STOX2: variants seen among roughly 807,000 people sequenced by gnomAD.
STOX2 encodes the protein storkhead-box protein 2.
A neutral mutation model predicts 60.9 loss-of-function variants in STOX2; 28 were observed. That is an observed-to-expected ratio of 0.46 (90% CI 0.34 to 0.63). The LOEUF is 0.63. Among genes scored for constraint, STOX2 ranks in the 30% least tolerant of loss-of-function variants. The probability of loss-of-function intolerance (pLI) is 0.01; values close to 1 mark genes in which losing one functional copy is unlikely to be tolerated. For synonymous variants in STOX2, 472 were observed against 463.9 expected (o/e 1.02, Z -0.22); for missense variants, 1,024 against 1,187.7 (o/e 0.86, Z 2.03).
chr4:183,879,531 CT>C (rs1740907276), intron 1 of STOX2, among the ~76,000 whole-genome samples: 1 of 152,174 alleles, frequency 6.6e-6, no homozygotes, highest in Non-Finnish European at 1.5e-5. Flanking sequence ...ATCAGGTAGG[CT>C]TGTGTAGCCG....
At chr4:183,869,298 AACTG>A (rs1435539481) in intron 1 of STOX2, among the ~76,000 whole-genome samples, 2 of 152,220 alleles carry the variant, frequency 1.3e-5, no homozygotes, top group African/African-American at 4.8e-5. Flanking sequence ...TGGGCCTAGA[AACTG>A]ACTGTCATTG....
Position 183,807,030 on chromosome 4 carries a change from T to G in STOX2, c.364+8975T>G, listed in dbSNP as rs191228926. 2.3e-3 allele frequency among the ~76,000 whole-genome samples: 346 copies of G among 152,200 alleles called. 1 individual carries two copies. The highest frequency in any genetic ancestry group is 3.6e-3 in the Non-Finnish European group (245 of 68,012). On this transcript the variant is annotated intron_variant, in intron 1 of 2. Transcript: ENST00000513034. ...CTCTGTCGCCCAGGCTGGAGTGCAG[T>G]GGCGCGATCTCGGCTCACTGCAAGC...
intron 1 of STOX2, among the ~76,000 whole-genome samples, chr4:183,829,305 T>C (rs1432791790): frequency 6.6e-6 from 1 of 152,236 alleles, no homozygotes; most frequent in African/African-American, 2.4e-5. Context: ...CAACATTCTT[T>C]AAGACTGGTG....
At chr4:183,891,286 ATATGATGGAATATATATATATATC>A (rs36222308) in intron 1 of STOX2, among the ~76,000 whole-genome samples, 103,631 of 133,236 alleles carry the variant, frequency 0.78, 41,682 homozygotes, top group Middle Eastern at 0.85. Context: ...GTATGTGTGT[ATATGATGGAATATATATATATATC>A]TATGATGGAA....
intron 1 of STOX2, among the ~76,000 whole-genome samples, chr4:183,817,098 T>C (rs1238200056): frequency 6.6e-6 from 1 of 152,264 alleles, no homozygotes; most frequent in Non-Finnish European, 1.5e-5. Flanking sequence ...GGAAAAGGAC[T>C]ACTGTTTTCT....
chr4:183,935,890 G>T (rs2111121925), intron 1 of STOX2, among the ~76,000 whole-genome samples: 1 of 152,290 alleles, frequency 6.6e-6, no homozygotes, highest in East Asian at 1.9e-4. Flanking sequence ...GAAATGTTTA[G>T]TTCCTAAGTT....
intron 1 of STOX2, among the ~76,000 whole-genome samples, chr4:183,974,704 G>A (rs1373107932): frequency 6.6e-6 from 1 of 152,098 alleles, no homozygotes; most frequent in Non-Finnish European, 1.5e-5. Flanking sequence ...AAGTTTCAAA[G>A]TACATGAAAC....
intron 1 of STOX2, among the ~76,000 whole-genome samples, chr4:183,873,380 A>T (rs1404605540): frequency 1.4e-5 from 2 of 144,258 alleles, no homozygotes; most frequent in Admixed American, 1.5e-4. Context: ...TGGGAGGCGG[A>T]GGTTGCGGTG....
chr4:183,889,701 A>T (rs1741162590), intron 1 of STOX2, among the ~76,000 whole-genome samples: 1 of 152,194 alleles, frequency 6.6e-6, no homozygotes, highest in Admixed American at 6.5e-5. Flanking sequence ...GGGGACTTGA[A>T]TGGGGTCTGC....
At chr4:183,959,067 C>T (rs1743339463) in intron 1 of STOX2, among the ~76,000 whole-genome samples, 1 of 152,036 alleles carries the variant, frequency 6.6e-6, no homozygotes, top group Non-Finnish European at 1.5e-5. Context: ...GCTCTCTCAG[C>T]ATGTTTTTGA....
At chr4:183,897,014 A>G (rs532074555) in intron 1 of STOX2, among the ~76,000 whole-genome samples, 21 of 152,316 alleles carry the variant, frequency 1.4e-4, no homozygotes, top group African/African-American at 4.6e-4. Flanking sequence ...TGGGTGGTCC[A>G]GTAGAGAACT....
At chr4:183,861,957 C>T (rs1029000460) in intron 1 of STOX2, among the ~76,000 whole-genome samples, 17 of 152,094 alleles carry the variant, frequency 1.1e-4, no homozygotes, top group Non-Finnish European at 1.5e-4. Context: ...CATCCCTCCC[C>T]GTCCACACGA....
chr4:183,938,076 A>G (rs1742637928), intron 1 of STOX2, among the ~76,000 whole-genome samples: 1 of 152,020 alleles, frequency 6.6e-6, no homozygotes, highest in African/African-American at 2.4e-5. Flanking sequence ...TTGAGCCTGG[A>G]AGGTCGAGGC....
chr4:183,957,310 A>C (rs550497653), intron 1 of STOX2, among the ~76,000 whole-genome samples: 1 of 152,178 alleles, frequency 6.6e-6, no homozygotes, highest in African/African-American at 2.4e-5. Context: ...AATTAAAAAT[A>C]ATCTGTTGAT....
At chr4:183,879,048 G>A (rs1740895218) in intron 1 of STOX2, among the ~76,000 whole-genome samples, 1 of 151,778 alleles carries the variant, frequency 6.6e-6, no homozygotes, top group Non-Finnish European at 1.5e-5. Context: ...AATTTCATGT[G>A]CCCACAGCCT....
intron 2 of STOX2, among the ~76,000 whole-genome samples, chr4:184,006,516 C>A (rs1733832753): frequency 6.6e-6 from 1 of 151,526 alleles, no homozygotes; most frequent in African/African-American, 2.4e-5. Context: ...TCGAGACCAA[C>A]CTGGGGGGCA....
At chr4:184,013,118 C>T (rs1446782584) in intron 3 of STOX2, among the ~76,000 whole-genome samples, 1 of 152,218 alleles carries the variant, frequency 6.6e-6, no homozygotes, top group African/African-American at 2.4e-5. Flanking sequence ...TCCCTCTGGG[C>T]CCCTGGGCTT....
chr4:183,804,511 T>C (rs936062991), intron 1 of STOX2, among the ~76,000 whole-genome samples: 20 of 152,352 alleles, frequency 1.3e-4, no homozygotes, highest in African/African-American at 4.8e-4. Context: ...GGCCAGGTCC[T>C]GTGGGGCCGT....
rs1236384436 is a variant in STOX2 at position 184,011,320 on chromosome 4, A to G, written c.2482A>G (p.Lys828Glu). ...AAAGAACCTCACCCTTCTTGCTCCA[A>G]AAGAAACCGACAGCAGCAGCAACCA... is the stretch of plus-strand genomic sequence containing the variant. The part of the protein sequence containing the change: ...FEKNLTLLAP[K>E]ETDSSSNQRA... The change falls in exon 3 of 4, where the codon AAA (lysine) becomes GAA (glutamate). Residue 828 changes from lysine (K) to glutamate (E), a missense_variant. Physicochemically the swap from Lys to Glu is moderately conservative, Grantham distance 56 (BLOSUM62 1). This residue lies in a region of STOX2 where 922 missense variants were observed against 1,058.3 expected (regional missense o/e 0.87). Transcript: ENST00000308497. This position sits in a 1 kb window ranked among gnomAD's most constrained non-coding sequence, Gnocchi z 4.4. The G allele has an allele frequency of 1.2e-6, 2 of 1,614,038 alleles. No individual in the cohort carries two copies. Among genetic ancestry groups the G allele is most frequent in the South Asian group, 1.1e-5 (1 of 91,084 alleles).
Sources: allele counts gnomAD v4.1 joint callset (sites outside exome capture counted in the v4.1 genomes callset), GRCh38; gene constraint gnomAD v4.1.1; regional missense constraint gnomAD v4.1.1; non-coding constraint Gnocchi (gnomAD v3.1); transcripts MANE v1.5; gene names NCBI Gene and HGNC (gene_info 2026-07-23, HGNC 2026-07-21).